The following CDH3 variants were observed in gnomAD, a reference collection of about 807,000 sequenced individuals.
The protein encoded by CDH3 is cadherin-3.
A neutral mutation model predicts 82.0 loss-of-function variants in CDH3; 54 were observed. The ratio of observed to expected loss-of-function variants is 0.66; its 90% confidence interval spans 0.53 to 0.83. The LOEUF is 0.83. Ranked by LOEUF, CDH3 falls within the 40% of genes least tolerant of loss-of-function variation. The probability of loss-of-function intolerance (pLI) is 0.00; values close to 1 mark genes in which losing one functional copy is unlikely to be tolerated. For missense variants in CDH3, 1,054 were observed against 1,084.6 expected (o/e 0.97, Z 0.40); for synonymous variants, 446 against 437.9 (o/e 1.02, Z -0.23).
chr16:68,654,380 A>ATTTTTTTTTTTTTTTTTTTTTT lies in CDH3; in HGVS notation c.160+8647_160+8668dup, dbSNP rs1176713669. On this transcript the variant is annotated intron_variant, in intron 2 of 15. Transcript: ENST00000264012. ...GGCCTTTTTCTTAATTTTTAAATTA[A>ATTTTTTTTTTTTTTTTTTTTTT]TTTTTTTTTTTTTTTTTTTTTTTTT... Among the ~76,000 whole-genome samples, 6 of 48,494 alleles carry ATTTTTTTTTTTTTTTTTTTTTT rather than the reference A, an allele frequency of 1.2e-4. 1 individual carries two copies. Among genetic ancestry groups the ATTTTTTTTTTTTTTTTTTTTTT allele is most frequent in the African/African-American group, 4.9e-4 (5 of 10,292 alleles). 31.8% of individuals were successfully genotyped at this position (48,494 alleles called of 152,430 possible).
chr16:68,685,883 G>A (rs1415257470), intron 11 of CDH3, among the ~76,000 whole-genome samples: 1 of 152,162 alleles, frequency 6.6e-6, no homozygotes, highest in Non-Finnish European at 1.5e-5. Flanking sequence ...AGTTGGGAGG[G>A]AGCCAGGTGT....
intron 2 of CDH3, among the ~76,000 whole-genome samples, chr16:68,658,624 A>G (rs923383512): frequency 6.6e-6 from 1 of 152,120 alleles, no homozygotes; most frequent in Non-Finnish European, 1.5e-5. Context: ...AGAAACAGCA[A>G]CTTGTGAGCT....
Position 68,698,535 on chromosome 16 carries a change from A to G in CDH3, c.*135A>G. ...AGCAACTTGGCGGAGACAGGCTATG[A>G]GTCTGACGTTAGAGTGGTGGCTTCC... On this transcript the variant is annotated 3_prime_UTR_variant, in exon 16 of 16. Coordinates refer to ENST00000264012, the MANE Select transcript of CDH3 (RefSeq NM_001793.6). The G allele has an allele frequency of 1.3e-6, 1 of 745,848 alleles. No homozygotes were observed. Among genetic ancestry groups the G allele is most frequent in the African/African-American group, 1.7e-5 (1 of 57,580 alleles). The allele number at this position is 745,848 out of a possible 1,614,324, so 46.2% of individuals were successfully genotyped here.
the CDH3 span, among the ~76,000 whole-genome samples, chr16:68,733,691 G>A: frequency 6.6e-6 from 1 of 152,198 alleles, no homozygotes; most frequent in Admixed American, 6.5e-5. Flanking sequence ...GCAGTGAGCC[G>A]AGATCGCGCC....
At chr16:68,654,114 C>T (rs1960332284) in intron 2 of CDH3, among the ~76,000 whole-genome samples, 1 of 147,786 alleles carries the variant, frequency 6.8e-6, no homozygotes, top group Non-Finnish European at 1.5e-5. Flanking sequence ...GGCTAGGGTG[C>T]AGTGGCACAA....
chr16:68,678,100 G>T, intron 3 of CDH3, 34 bp from the exon 4 acceptor site: 2 of 1,596,280 alleles, frequency 1.3e-6, no homozygotes, highest in Non-Finnish European at 1.7e-6. Context: ...CCAGCTATTT[G>T]CACATCTGGG....
At chr16:68,655,457 A>G (rs540881605) in intron 2 of CDH3, among the ~76,000 whole-genome samples, 1 of 152,356 alleles carries the variant, frequency 6.6e-6, no homozygotes, top group South Asian at 2.1e-4. Flanking sequence ...GGAATTCACT[A>G]GTGAACAAAA....
Position 68,698,682 on chromosome 16 carries a change from C to G in CDH3, c.*282C>G. 1 of 500,422 alleles carries G rather than the reference C, an allele frequency of 2.0e-6. No individual in the cohort carries two copies. Among genetic ancestry groups the G allele is most frequent in the Non-Finnish European group, 3.6e-6 (1 of 276,548 alleles). The allele number at this position is 500,422 out of a possible 1,614,324, so 31.0% of individuals were successfully genotyped here. On this transcript the variant is annotated 3_prime_UTR_variant, in exon 16 of 16. Transcript: ENST00000264012. ...AGCCTCTTACCTGCCGTAAAATGCT[C>G]AACCCTGTGTCCTGGGCCTGGGCCT... is the stretch of plus-strand genomic sequence containing the variant.
chr16:68,666,010 T>C (rs1472591016), intron 2 of CDH3, among the ~76,000 whole-genome samples: 1 of 152,190 alleles, frequency 6.6e-6, no homozygotes, highest in African/African-American at 2.4e-5. Flanking sequence ...GGGACCTTTG[T>C]CTTTTCAAAG....
At chr16:68,650,258 G>A (rs191374297) in intron 2 of CDH3, among the ~76,000 whole-genome samples, 6 of 152,142 alleles carry the variant, frequency 3.9e-5, no homozygotes, top group African/African-American at 1.4e-4. Context: ...TCATTTCCCA[G>A]CACCCTCTCC....
At chr16:68,726,600 A>T (rs1962221961) in intron 2 of CDH3, among the ~76,000 whole-genome samples, 1 of 142,132 alleles carries the variant, frequency 7.0e-6, no homozygotes, top group Admixed American at 7.2e-5. Context: ...TTTTTTTGAG[A>T]CAGAGTCTCG....
downstream of CDH3, among the ~76,000 whole-genome samples, chr16:68,727,801 C>T (rs933211312): frequency 1.3e-5 from 2 of 151,990 alleles, no homozygotes; most frequent in Non-Finnish European, 2.9e-5. Flanking sequence ...CCCAGCTACT[C>T]AGGAGACTGA....
At chr16:68,716,651 A>G (rs890576642) in intron 1 of CDH3, among the ~76,000 whole-genome samples, 1 of 151,426 alleles carries the variant, frequency 6.6e-6, no homozygotes, top group African/African-American at 2.4e-5. Context: ...AAAAGAAAAA[A>G]ACTGATAACA....
At chr16:68,729,616 T>G (rs1019409496), downstream of CDH3, among the ~76,000 whole-genome samples, 1 of 152,124 alleles carries the variant, frequency 6.6e-6, no homozygotes, top group African/African-American at 2.4e-5. Context: ...TGGCTCTTGC[T>G]TGGATCTTGA....
intron 12 of CDH3, among the ~76,000 whole-genome samples, chr16:68,688,603 A>G (rs1961481311): frequency 6.6e-6 from 1 of 151,882 alleles, no homozygotes; most frequent in South Asian, 2.1e-4. Flanking sequence ...ATAAAATTAA[A>G]ATGTCACTAG....
intron 3 of CDH3, among the ~76,000 whole-genome samples, chr16:68,677,070 ATATT>A (rs1432104066): frequency 6.6e-6 from 1 of 152,124 alleles, no homozygotes; most frequent in African/African-American, 2.4e-5. Flanking sequence ...CATGTGTTAC[ATATT>A]TATTTATATT....
intron 2 of CDH3, among the ~76,000 whole-genome samples, chr16:68,725,187 T>A (rs1354267776): frequency 6.6e-6 from 1 of 152,166 alleles, no homozygotes; most frequent in African/African-American, 2.4e-5. Context: ...TCCAGGGGGC[T>A]TAACTCACTC....
rs1442519681 is a variant in CDH3 at position 68,698,175 on chromosome 16, T to G, written c.2281-16T>G. The G allele has an allele frequency of 1.9e-6, 3 of 1,613,898 alleles. No individual in the cohort carries two copies. Among genetic ancestry groups the G allele is most frequent in the Non-Finnish European group, 2.5e-6 (3 of 1,179,760 alleles). On this transcript the variant is annotated splice_polypyrimidine_tract_variant and intron_variant, in intron 15 of 15. Coordinates refer to ENST00000264012, the MANE Select transcript of CDH3 (RefSeq NM_001793.6). ...AGGACCCGCCGCTCCTAACTACCTG[T>G]TCTCTGTTGCCGCAGAACCTGAAGG...
In CDH3 at chr16:68,698,210, C is replaced by G; in HGVS notation, c.2300C>G (p.Thr767Arg). Residue 767 changes from threonine (T) to arginine (R), a missense_variant, in exon 16 of 16, where the codon ACA becomes AGA. Transcript: ENST00000264012. ...FIIENLKAAN[T>R]DPTAPPYDTL... ...CCGCAGAACCTGAAGGCGGCTAACA[C>G]AGACCCCACAGCCCCGCCCTACGAC... 1 of 1,614,228 alleles carries G rather than the reference C, an allele frequency of 6.2e-7. No homozygotes were observed. The highest frequency in any genetic ancestry group is 8.5e-7 in the Non-Finnish European group (1 of 1,180,042).
Sources: gnomAD v4.1 joint callset for allele counts (sites outside exome capture counted in the v4.1 genomes callset) on GRCh38, gnomAD v4.1.1 for gene constraint, MANE v1.5 for transcripts, NCBI Gene and HGNC (gene_info 2026-07-23, HGNC 2026-07-21) for gene names.